SYT14: variants seen among roughly 807,000 people sequenced by gnomAD.
SYT14 encodes synaptotagmin 14.
A neutral mutation model predicts 74.2 loss-of-function variants in SYT14; 32 were observed. The observed-to-expected ratio is 0.43, with a 90% CI of 0.33 to 0.58. The LOEUF is 0.58. SYT14 is among the 20% of genes least tolerant of loss of function. The pLI, the probability that SYT14 is intolerant of heterozygous loss-of-function variation, is 0.05. For synonymous variants in SYT14, 298 were observed against 337.7 expected, an observed-to-expected ratio of 0.88 and a Z score of 1.29; for missense variants, 791 against 981.8, an observed-to-expected ratio of 0.81 and a Z score of 2.60.
At chr1:209,945,174 G>A (rs536674776) in intron 1 of SYT14, among the ~76,000 whole-genome samples, 41 of 152,208 alleles carry the variant, frequency 2.7e-4, no homozygotes, top group African/African-American at 9.6e-4. Context: ...TATACAAGAT[G>A]AAAGCTATTT....
At chr1:210,073,737 A>T (rs554255079) in intron 5 of SYT14, among the ~76,000 whole-genome samples, 64 of 151,490 alleles carry the variant, frequency 4.2e-4, no homozygotes, top group Non-Finnish European at 6.8e-4. Context: ...GTTCTTTTCT[A>T]CTTCATAAAA....
intron 2 of SYT14, among the ~76,000 whole-genome samples, chr1:210,001,008 T>G (rs747483056): frequency 2.0e-5 from 3 of 152,206 alleles, no homozygotes; most frequent in Admixed American, 6.5e-5. Flanking sequence ...GTTTTATTGT[T>G]AAAATAATAA....
At chr1:210,044,134 G>A (rs931011557) in intron 5 of SYT14, among the ~76,000 whole-genome samples, 2 of 152,102 alleles carry the variant, frequency 1.3e-5, no homozygotes, top group East Asian at 1.9e-4. Flanking sequence ...TGCCAATGTC[G>A]TAAATAGAAG....
At chr1:209,986,597 C>A (rs896854929) in intron 2 of SYT14, among the ~76,000 whole-genome samples, 1 of 150,822 alleles carries the variant, frequency 6.6e-6, no homozygotes. Flanking sequence ...TGGGTGATAG[C>A]ATGAGACTCC....
chr1:209,994,483 T>C (rs917424528), intron 2 of SYT14, among the ~76,000 whole-genome samples: 4 of 151,984 alleles, frequency 2.6e-5, no homozygotes, highest in African/African-American at 9.7e-5. Context: ...CTGAGAAATA[T>C]GGGATTATGT....
chr1:210,162,871 C>T (rs1338231800), exon 10 of SYT14: 2 of 453,376 alleles, frequency 4.4e-6, no homozygotes, highest in Admixed American at 4.7e-5. Context: ...ATGTGTGTTA[C>T]AGGGCTGCAT....
chr1:210,008,471 C>T (rs1050468655), intron 2 of SYT14, among the ~76,000 whole-genome samples: 3 of 152,150 alleles, frequency 2.0e-5, no homozygotes, highest in Non-Finnish European at 4.4e-5. Flanking sequence ...TCAGGCAATT[C>T]TCCTGCCTCA....
chr1:209,981,782 G>A (rs1170965234), intron 2 of SYT14, among the ~76,000 whole-genome samples: 6 of 152,066 alleles, frequency 3.9e-5, no homozygotes, highest in Admixed American at 6.5e-5. Flanking sequence ...CAAGAAAGCT[G>A]AAAATAGGCC....
chr1:210,023,187 C>T (rs1460042711), intron 5 of SYT14, among the ~76,000 whole-genome samples: 2 of 152,146 alleles, frequency 1.3e-5, no homozygotes, highest in Non-Finnish European at 2.9e-5. Context: ...TTTTAGCAGT[C>T]ATACACTGCT....
chr1:210,108,565 G>A lies in SYT14; in HGVS notation c.2034+8104G>A, dbSNP rs536176611. On this transcript the variant is annotated intron_variant, in intron 7 of 9. Transcript: ENST00000637265. ...AGTATTTGGAAAGTGAGGGTTTAGGGAGAATGTTTTTGAGGTGAGGAGAGC... is the reference window on the plus strand; with the variant it reads ...AGTATTTGGAAAGTGAGGGTTTAGGAAGAATGTTTTTGAGGTGAGGAGAGC... Among the ~76,000 whole-genome samples the A allele has an allele frequency of 1.1e-3, 171 of 152,126 alleles. 1 individual carries two copies. Among genetic ancestry groups the A allele is most frequent in the Non-Finnish European group, 1.8e-3 (119 of 67,982 alleles).
At chr1:209,999,666 T>C (rs183312669) in intron 2 of SYT14, among the ~76,000 whole-genome samples, 1 of 152,186 alleles carries the variant, frequency 6.6e-6, no homozygotes, top group Admixed American at 6.5e-5. Flanking sequence ...AGAAAGACAT[T>C]GTATGCTCTC....
At chr1:209,971,209 C>A (rs2079250182) in intron 2 of SYT14, among the ~76,000 whole-genome samples, 1 of 152,070 alleles carries the variant, frequency 6.6e-6, no homozygotes, top group Non-Finnish European at 1.5e-5. Flanking sequence ...TATAGAAATG[C>A]TGCCGATTTT....
At chr1:210,154,304 G>A (rs931554766) in intron 7 of SYT14, among the ~76,000 whole-genome samples, 4 of 152,132 alleles carry the variant, frequency 2.6e-5, no homozygotes, top group Admixed American at 1.3e-4. Flanking sequence ...AATGGGCGCC[G>A]CACAGCAGGA....
chr1:210,063,137 C>G (rs2102416782), intron 5 of SYT14, among the ~76,000 whole-genome samples: 1 of 150,794 alleles, frequency 6.6e-6, no homozygotes, highest in Middle Eastern at 3.4e-3. Flanking sequence ...TCAGAAAGAC[C>G]TTTCCTGTTT....
intron 5 of SYT14, among the ~76,000 whole-genome samples, chr1:210,054,867 T>C (rs1236929198): frequency 2.6e-5 from 4 of 152,224 alleles, no homozygotes; most frequent in African/African-American, 7.2e-5. Context: ...CACTTAATTC[T>C]CTGTTTTCAG....
chr1:210,068,519 AC>A (rs2081336643), intron 5 of SYT14, among the ~76,000 whole-genome samples: 1 of 151,718 alleles, frequency 6.6e-6, no homozygotes, highest in Admixed American at 6.6e-5. Context: ...CTATGAAATC[AC>A]TTGTATCTTA....
At chr1:209,959,440 G>A (rs1484857643) in intron 2 of SYT14, among the ~76,000 whole-genome samples, 2 of 152,084 alleles carry the variant, frequency 1.3e-5, no homozygotes, top group Non-Finnish European at 2.9e-5. Flanking sequence ...CACCACACCC[G>A]GCCTGGCAAC....
At chr1:210,012,797 G>A (rs2080110820) in intron 2 of SYT14, among the ~76,000 whole-genome samples, 1 of 151,458 alleles carries the variant, frequency 6.6e-6, no homozygotes, top group East Asian at 1.9e-4. Context: ...TGCCTCTCAG[G>A]TTTAAGTGAG....
intron 7 of SYT14, among the ~76,000 whole-genome samples, chr1:210,150,237 T>A (rs2102697163): frequency 6.6e-6 from 1 of 152,308 alleles, no homozygotes; most frequent in East Asian, 1.9e-4. Flanking sequence ...AAAGGAGAAC[T>A]GGTTCCTAGT....
Sources: gnomAD v4.1 joint callset for allele counts (sites outside exome capture counted in the v4.1 genomes callset) on GRCh38, gnomAD v4.1.1 for gene constraint, MANE v1.5 for transcripts, NCBI Gene and HGNC (gene_info 2026-07-23, HGNC 2026-07-21) for gene names.